The following HPCAL1 variants were observed in gnomAD, a reference collection of about 807,000 sequenced individuals.
HPCAL1 encodes hippocalcin-like protein 1.
HPCAL1 carries 8 observed loss-of-function variants against 17.1 expected under a neutral mutation model. That is an observed-to-expected ratio of 0.47 (90% confidence interval 0.27 to 0.84). HPCAL1 has a LOEUF of 0.84. HPCAL1 is among the 40% of genes least tolerant of loss of function. HPCAL1 has a pLI of 0.13. For missense variants in HPCAL1, 165 were observed against 271.1 expected, an observed-to-expected ratio of 0.61 and a Z score of 2.75; for synonymous variants, 112 against 111.4, an observed-to-expected ratio of 1.01 and a Z score of -0.03.
At chr2:10,364,985 C>T (rs1373135860) in intron 1 of HPCAL1, among the ~76,000 whole-genome samples, 1 of 152,170 alleles carries the variant, frequency 6.6e-6, no homozygotes, top group Admixed American at 6.5e-5. Context: ...ACAATGTGAG[C>T]TTGTACATCT....
chr2:10,389,540 C>T (rs940378541), intron 1 of HPCAL1, among the ~76,000 whole-genome samples: 3 of 152,234 alleles, frequency 2.0e-5, no homozygotes, highest in Non-Finnish European at 4.4e-5. Flanking sequence ...TGTGCTGGCA[C>T]CTTGATCTTG....
intron 1 of HPCAL1, among the ~76,000 whole-genome samples, chr2:10,364,479 A>G (rs532214203): frequency 1.3e-5 from 2 of 152,166 alleles, no homozygotes; most frequent in African/African-American, 4.8e-5. Context: ...GGGCACGAGG[A>G]GGCCGATCGG....
At chr2:10,340,347 G>A (rs1234534057) in intron 1 of HPCAL1, among the ~76,000 whole-genome samples, 2 of 152,214 alleles carry the variant, frequency 1.3e-5, no homozygotes, top group East Asian at 1.9e-4. Flanking sequence ...CATGTAAGGT[G>A]TAGCCACAGT....
rs1379261777 is a variant in HPCAL1, at chr2:10,367,226, A to C, written c.-110-29609A>C. The stretch of plus-strand genomic sequence containing the variant: ...ATAGGCTGAGACTTTTTACAGTTAG[A>C]TATTTAATATACAGATGACGGGCGG... On this transcript the variant is annotated intron_variant, in intron 1 of 4. Transcript: ENST00000307845. This position sits in a 1 kb window ranked among gnomAD's most constrained non-coding sequence, Gnocchi z 4.4. 1.3e-5 allele frequency among the ~76,000 whole-genome samples: 2 copies of C among 151,936 alleles called. No homozygotes were observed. The highest frequency in any genetic ancestry group is 4.8e-5 in the African/African-American group (2 of 41,350).
intron 2 of HPCAL1, among the ~76,000 whole-genome samples, chr2:10,400,143 C>T (rs1213155358): frequency 1.3e-5 from 2 of 152,200 alleles, no homozygotes; most frequent in Admixed American, 1.3e-4. Context: ...AGCTAAGGAG[C>T]AGCTGGTGCA....
chr2:10,402,868 T>C (rs1055050092), intron 2 of HPCAL1, among the ~76,000 whole-genome samples: 3 of 152,164 alleles, frequency 2.0e-5, no homozygotes, highest in Non-Finnish European at 2.9e-5. Flanking sequence ...GACAGAGCCA[T>C]GCAGCCTGCG....
In HPCAL1 at chr2:10,307,293, T is replaced by A. The variant is rs138835203; in HGVS notation, c.-111+4116T>A. ...GAAGTCTTCCCAGATTTCGCCTCAG[T>A]ACTCTCTTGCCCTAGCTTAAATCTT... On this transcript the variant is annotated intron_variant, in intron 1 of 4. Coordinates refer to ENST00000307845, the MANE Select transcript of HPCAL1 (RefSeq NM_002149.4). Among the ~76,000 whole-genome samples the A allele has an allele frequency of 7.3e-4, 111 of 152,362 alleles. 3 individuals are homozygous for A. Among genetic ancestry groups the A allele is most frequent in the Admixed American group, 6.9e-3 (106 of 15,308 alleles).
rs1371310610 is a variant in HPCAL1, at chr2:10,399,218, C to T, written c.-25+2298C>T. Among the ~76,000 whole-genome samples the T allele has an allele frequency of 1.6e-5, 2 of 126,580 alleles. 1 individual carries two copies. The highest frequency in any genetic ancestry group is 1.5e-4 in the Admixed American group (2 of 13,118). 83.0% of individuals were successfully genotyped at this position (126,580 alleles called of 152,430 possible). ...GCAAATAATATCACTGCACCACCACCACCACCACCACCACCACCACCATCA... is the reference window on the plus strand; with the variant it reads ...GCAAATAATATCACTGCACCACCACTACCACCACCACCACCACCACCATCA... On this transcript the variant is annotated intron_variant, in intron 2 of 4. Transcript: ENST00000307845.
chr2:10,426,681 A>G (rs778378942), intron 4 of HPCAL1, 43 bp from the exon 5 acceptor site: 28 of 1,487,114 alleles, frequency 1.9e-5, no homozygotes, highest in Non-Finnish European at 2.5e-5. Context: ...AGCATAAAGA[A>G]CAGTGAGCAC....
At chr2:10,325,212 C>T (rs949074543) in intron 1 of HPCAL1, among the ~76,000 whole-genome samples, 2 of 151,842 alleles carry the variant, frequency 1.3e-5, no homozygotes, top group Admixed American at 6.6e-5. Context: ...CTGGTGCCGT[C>T]GGAGCACACT....
intron 1 of HPCAL1, among the ~76,000 whole-genome samples, chr2:10,341,341 C>T (rs1017248264): frequency 1.3e-5 from 2 of 152,150 alleles, no homozygotes; most frequent in African/African-American, 4.8e-5. Context: ...CATGCCTGTA[C>T]TCGGGAGACT....
At chr2:10,389,835 A>G (rs4668680) in intron 1 of HPCAL1, among the ~76,000 whole-genome samples, 74,813 of 152,152 alleles carry the variant, frequency 0.49, 20,982 homozygotes, top group East Asian at 0.81. Context: ...CAAATTGTGC[A>G]GCTCTGAGTG....
rs113369402 is a variant in HPCAL1, at chr2:10,334,306, G to C, written c.-111+31129G>C. On this transcript the variant is annotated intron_variant, in intron 1 of 4. Transcript: ENST00000307845. ...AAGACCAGCCTGGGCAACATAGCAA[G>C]ACCCTGTTTTGTTTTGTTTTGTTTT... 4.9e-3 allele frequency among the ~76,000 whole-genome samples: 738 copies of C among 151,128 alleles called. 3 individuals carry two copies. Among genetic ancestry groups the C allele is most frequent in the Non-Finnish European group, 7.7e-3 (523 of 67,826 alleles).
intron 2 of HPCAL1, among the ~76,000 whole-genome samples, chr2:10,403,891 A>G (rs929837917): frequency 6.6e-6 from 1 of 151,996 alleles, no homozygotes; most frequent in African/African-American, 2.4e-5. Flanking sequence ...GGACTTTACA[A>G]ATTTGAACTA....
chr2:10,355,226 C>T (rs996882056), intron 1 of HPCAL1, among the ~76,000 whole-genome samples: 4 of 151,630 alleles, frequency 2.6e-5, no homozygotes, highest in Non-Finnish European at 2.9e-5. Context: ...CCGAGGCGGG[C>T]GGATCACGAG....
chr2:10,424,376 C>T, intron 4 of HPCAL1: 1 of 409,840 alleles, frequency 2.4e-6, no homozygotes, highest in Non-Finnish European at 5.1e-6. Flanking sequence ...TAGCAGGGCA[C>T]CTGCTGCCGC....
chr2:10,353,264 C>G (rs1255019039), intron 1 of HPCAL1, among the ~76,000 whole-genome samples: 2 of 152,216 alleles, frequency 1.3e-5, no homozygotes, highest in Non-Finnish European at 1.5e-5. Context: ...ATGGGACCTA[C>G]TATTATTCTT....
intron 3 of HPCAL1, 43 bp from the exon 4 acceptor site, chr2:10,422,940 G>C (rs1671155467): frequency 3.5e-6 from 5 of 1,438,250 alleles, no homozygotes; most frequent in Non-Finnish European, 4.9e-6. Flanking sequence ...ACCCGCCCAA[G>C]CCCCCGGGCC....
intron 2 of HPCAL1, among the ~76,000 whole-genome samples, chr2:10,414,807 G>A (rs1316969435): frequency 6.6e-6 from 1 of 152,198 alleles, no homozygotes; most frequent in Non-Finnish European, 1.5e-5. Flanking sequence ...GCTGAAAGGA[G>A]TGAGGAATGA....
Sources: gnomAD v4.1 joint callset for allele counts (sites outside exome capture counted in the v4.1 genomes callset) on GRCh38, gnomAD v4.1.1 for gene constraint, Gnocchi (gnomAD v3.1) non-coding constraint, MANE v1.5 for transcripts, NCBI Gene and HGNC (gene_info 2026-07-23, HGNC 2026-07-21) for gene names.